The following RARS2 variants were observed in gnomAD, a reference collection of about 807,000 sequenced individuals.
RARS2 encodes the protein probable arginine--tRNA ligase, mitochondrial.
A neutral mutation model predicts 88.5 loss-of-function variants in RARS2; 67 were observed. The ratio of observed to expected loss-of-function variants is 0.76; its 90% CI spans 0.62 to 0.93. The LOEUF is 0.93. RARS2 is among the 40% of genes least tolerant of loss of function. The probability of loss-of-function intolerance (pLI) is 0.00; values close to 1 mark genes in which losing one functional copy is unlikely to be tolerated. For synonymous variants in RARS2, 239 were observed against 230.3 expected (o/e 1.04, Z -0.34); for missense variants, 664 against 684.2 (o/e 0.97, Z 0.33).
chr6:87,576,873 G>T (rs899745488), intron 1 of RARS2, among the ~76,000 whole-genome samples: 13 of 152,042 alleles, frequency 8.6e-5, no homozygotes, highest in Admixed American at 6.6e-4. Flanking sequence ...AACTCCATGG[G>T]AAATGAAATA....
At chr6:87,521,558 A>G (rs1202549613) in intron 11 of RARS2, 34 bp from the exon 12 acceptor site, 1 of 1,553,088 alleles carries the variant, frequency 6.4e-7, no homozygotes, top group Admixed American at 1.7e-5. Flanking sequence ...AAGAGTTACT[A>G]AGCAGATCCG....
chr6:87,532,498 GTA>G (rs1368166252), intron 8 of RARS2, among the ~76,000 whole-genome samples: 1 of 152,134 alleles, frequency 6.6e-6, no homozygotes, highest in Non-Finnish European at 1.5e-5. Flanking sequence ...TGGACACAGG[GTA>G]TCTAATGAAC....
chr6:87,572,627 C>T (rs923620555), intron 1 of RARS2, among the ~76,000 whole-genome samples: 2 of 152,056 alleles, frequency 1.3e-5, no homozygotes, highest in African/African-American at 4.8e-5. Context: ...CAGCGGCTCA[C>T]AATCATACTT....
intron 10 of RARS2, among the ~76,000 whole-genome samples, chr6:87,527,843 AT>A (rs1348556237): frequency 6.6e-6 from 1 of 152,090 alleles, no homozygotes; most frequent in Admixed American, 6.6e-5. Context: ...ATTCTCACTT[AT>A]AAGTGGGAGT....
chr6:87,575,818 A>C (rs1344689510), intron 1 of RARS2, among the ~76,000 whole-genome samples: 1 of 151,756 alleles, frequency 6.6e-6, no homozygotes, highest in Non-Finnish European at 1.5e-5. Context: ...ATTGTGGATA[A>C]ATTTTTTTTT....
chr6:87,526,672 A>ATT (rs138481516), intron 10 of RARS2, among the ~76,000 whole-genome samples: 1 of 143,926 alleles, frequency 6.9e-6, no homozygotes, highest in South Asian at 2.2e-4. Flanking sequence ...GGTCAACTGA[A>ATT]TTTTTTTTTT....
intron 2 of RARS2, among the ~76,000 whole-genome samples, chr6:87,566,946 C>A (rs1423642458): frequency 6.6e-6 from 1 of 151,646 alleles, no homozygotes; most frequent in African/African-American, 2.4e-5. Context: ...AGCCTGTAAT[C>A]CCAGCACTTT....
intron 1 of RARS2, among the ~76,000 whole-genome samples, chr6:87,570,239 C>T (rs1769242004): frequency 6.6e-6 from 1 of 152,076 alleles, no homozygotes; most frequent in South Asian, 2.1e-4. Context: ...CTCCTGGCCT[C>T]ATGTGATCCT....
intron 1 of RARS2, among the ~76,000 whole-genome samples, chr6:87,579,274 T>C (rs1317166407): frequency 1.3e-5 from 2 of 152,094 alleles, no homozygotes; most frequent in African/African-American, 4.8e-5. Flanking sequence ...CTGGCTCCCA[T>C]GTGCAAATAT....
At chr6:87,565,438 TA>T (rs1348186279) in intron 2 of RARS2, among the ~76,000 whole-genome samples, 1 of 151,926 alleles carries the variant, frequency 6.6e-6, no homozygotes, top group Non-Finnish European at 1.5e-5. Flanking sequence ...TTCGTGAAAA[TA>T]AATCATTTGC....
At chr6:87,525,347 C>A (rs1257725070) in intron 10 of RARS2, among the ~76,000 whole-genome samples, 1 of 152,048 alleles carries the variant, frequency 6.6e-6, no homozygotes, top group Non-Finnish European at 1.5e-5. Context: ...AAATTAAAGG[C>A]ATCCAAATTG....
chr6:87,564,756 T>A, intron 2 of RARS2: 1 of 193,328 alleles, frequency 5.2e-6, no homozygotes, highest in Non-Finnish European at 1.1e-5. Context: ...ATTCAGAATG[T>A]TTTTCTTATC....
intron 7 of RARS2, among the ~76,000 whole-genome samples, chr6:87,543,822 T>C (rs1781793238): frequency 1.3e-5 from 2 of 152,164 alleles, no homozygotes; most frequent in African/African-American, 4.8e-5. Flanking sequence ...TGAAGCTCTA[T>C]TAACTTTCAA....
intron 1 of RARS2, among the ~76,000 whole-genome samples, chr6:87,575,278 C>CACACACACACACACACA (rs1554218761): frequency 5.7e-5 from 8 of 139,530 alleles, no homozygotes; most frequent in East Asian, 2.1e-4. Context: ...CACACACACA[C>CACACACACACACACACA]CTTGGCTTCT....
At position 87,527,742 on chromosome 6, in the gene RARS2, CACT is replaced by C. The variant is rs1298646983; in HGVS notation, c.878+1797_878+1799del. On this transcript the variant is annotated intron_variant, in intron 10 of 19. Coordinates refer to ENST00000369536, the MANE Select transcript of RARS2 (RefSeq NM_020320.5). ...AAAAACTAAACCAAACCAACACCAC[CACT>C]ACCAAAAAAAAACCCAACTAAAAAG... Among the ~76,000 whole-genome samples, 6 of 152,040 alleles carry C rather than the reference CACT, an allele frequency of 3.9e-5. No homozygotes were observed. In the East Asian group the frequency reaches 7.7e-4, roughly 20 times the overall value.
intron 1 of RARS2, chr6:87,584,869 G>A: frequency 6.7e-6 from 2 of 296,550 alleles, no homozygotes; most frequent in Non-Finnish European, 1.3e-5. Flanking sequence ...GCTTCAGAAG[G>A]GATGTCTAAG....
chr6:87,524,665 A>G lies in RARS2; in HGVS notation c.879-13T>C, dbSNP rs765999304. The stretch of plus-strand genomic sequence containing the variant: ...AGCCGTTCCTTTTCTAGAAATTCGA[A>G]AAGGTAACTCTGAAGCAACATAATA... On this transcript the variant is annotated splice_polypyrimidine_tract_variant and intron_variant, in intron 10 of 19. Coordinates refer to ENST00000369536, the MANE Select transcript of RARS2 (RefSeq NM_020320.5). The G allele has an allele frequency of 7.0e-6, 11 of 1,564,428 alleles. No homozygotes were observed. Among genetic ancestry groups the G allele is most frequent in the Non-Finnish European group, 9.7e-6 (11 of 1,135,472 alleles).
intron 7 of RARS2, among the ~76,000 whole-genome samples, chr6:87,542,263 T>G (rs1055528447): frequency 6.6e-6 from 1 of 152,172 alleles, no homozygotes; most frequent in East Asian, 1.9e-4. Context: ...AGGTAAAGTC[T>G]AGGACTAATT....
intron 1 of RARS2, among the ~76,000 whole-genome samples, chr6:87,570,373 C>T (rs971652799): frequency 6.6e-6 from 1 of 152,124 alleles, no homozygotes; most frequent in African/African-American, 2.4e-5. Flanking sequence ...AACTATTACC[C>T]TAATTGGACA....
Sources: gnomAD v4.1 joint callset for allele counts (sites outside exome capture counted in the v4.1 genomes callset) on GRCh38, gnomAD v4.1.1 for gene constraint, MANE v1.5 for transcripts, NCBI Gene and HGNC (gene_info 2026-07-23, HGNC 2026-07-21) for gene names.